BDH2: variants seen among roughly 807,000 people sequenced by gnomAD.
The protein encoded by BDH2 is 3-hydroxybutyrate dehydrogenase 2.
In BDH2, 24 loss-of-function variants were observed where a neutral mutation model predicts 33.2. The observed-to-expected ratio is 0.72, with a 90% CI of 0.52 to 1.02. BDH2 has a LOEUF of 1.02. Among genes scored for constraint, BDH2 ranks in the 50% least tolerant of loss-of-function variants. The pLI, the probability that BDH2 is intolerant of heterozygous loss-of-function variation, is 0.00. For missense variants in BDH2, 249 were observed against 301.6 expected (o/e 0.83, Z 1.29); for synonymous variants, 81 against 101.6 (o/e 0.80, Z 1.22).
intron 7 of BDH2, among the ~76,000 whole-genome samples, chr4:103,083,958 C>G (rs965061727): frequency 3.9e-5 from 6 of 152,178 alleles, no homozygotes; most frequent in African/African-American, 1.4e-4. Flanking sequence ...TTTCAAGACT[C>G]TGGGTAGAAA....
rs1187822675 is a variant in BDH2, at chr4:103,096,084, A to C, written c.72+99T>G. 23 of 811,830 alleles carry C rather than the reference A, an allele frequency of 2.8e-5. No individual in the cohort carries two copies. In the Admixed American group the frequency reaches 6.5e-4, roughly 23 times the overall value. The allele number at this position is 811,830 out of a possible 1,614,324, so 50.3% of individuals were successfully genotyped here. ...CAGAAGCACAAAAGTAAAAAAATAA[A>C]AAAGCAGAGCAGAAGTAAACAACCA... On this transcript the variant is annotated intron_variant, in intron 2 of 9. Transcript: ENST00000296424.
chr4:103,077,764 T>G lies in BDH2; in HGVS notation c.*1938A>C, dbSNP rs941242906. ...ACTAGAGAAGTTACAGCATTTTGAT[T>G]ATGATACACGAAAAGAAACCCAAGT... is the stretch of plus-strand genomic sequence containing the variant. On this transcript the variant is annotated 3_prime_UTR_variant, in exon 10 of 10. Transcript: ENST00000296424. Among the ~76,000 whole-genome samples, 1 of 152,230 alleles carries G rather than the reference T, an allele frequency of 6.6e-6. No individual in the cohort carries two copies. Among genetic ancestry groups the G allele is most frequent in the Admixed American group, 6.5e-5 (1 of 15,276 alleles).
At chr4:103,084,890 T>A (rs111635099) in intron 7 of BDH2, among the ~76,000 whole-genome samples, 1 of 150,240 alleles carries the variant, frequency 6.7e-6, no homozygotes, top group Non-Finnish European at 1.5e-5. Context: ...CCAGGTCATA[T>A]TGAAATGTTT....
chr4:103,091,118 G>T, intron 5 of BDH2, 59 bp downstream of exon 5: 1 of 1,033,538 alleles, frequency 9.7e-7, no homozygotes, highest in South Asian at 1.3e-5. Flanking sequence ...TCCCTTCTGT[G>T]TGCCCAGTAC....
chr4:103,086,322 T>C (rs996881927), intron 6 of BDH2, 158 bp downstream of exon 6: 4 of 1,336,780 alleles, frequency 3.0e-6, no homozygotes, highest in Non-Finnish European at 3.8e-6. Context: ...GAGCAAAAGA[T>C]CTGTGGTTAA....
chr4:103,080,577 A>C (rs916743240), intron 9 of BDH2, among the ~76,000 whole-genome samples: 17 of 152,230 alleles, frequency 1.1e-4, no homozygotes, highest in African/African-American at 4.1e-4. Context: ...AAAGCTGATA[A>C]TATACAGTAG....
chr4:103,086,044 T>C, intron 6 of BDH2: 1 of 1,149,966 alleles, frequency 8.7e-7, no homozygotes, highest in Middle Eastern at 4.0e-4. Flanking sequence ...GTTATTTCCC[T>C]GTATTTTGAC....
intron 1 of BDH2, among the ~76,000 whole-genome samples, chr4:103,098,143 T>C (rs964715823): frequency 2.0e-5 from 3 of 152,056 alleles, no homozygotes; most frequent in Non-Finnish European, 2.9e-5. Flanking sequence ...GAGCATGGGG[T>C]GCCATTAGGA....
intron 5 of BDH2, among the ~76,000 whole-genome samples, chr4:103,090,794 C>A (rs1389192381): frequency 6.6e-6 from 1 of 152,142 alleles, no homozygotes; most frequent in Admixed American, 6.5e-5. Context: ...AGAGGGGCCG[C>A]ATTGATATCC....
In BDH2 at chr4:103,078,285, G is replaced by C. The variant is rs903531140; in HGVS notation, c.*1417C>G. On this transcript the variant is annotated 3_prime_UTR_variant, in exon 10 of 10. Coordinates refer to ENST00000296424, the MANE Select transcript of BDH2 (RefSeq NM_020139.4). ...TGAAAAATTTATTTTCTTTAATTTCGTTTGTTTCCTGTTACATAATTTATA... is the reference window on the plus strand; with the variant it reads ...TGAAAAATTTATTTTCTTTAATTTCCTTTGTTTCCTGTTACATAATTTATA... Among the ~76,000 whole-genome samples, 3 of 151,752 alleles carry C rather than the reference G, an allele frequency of 2.0e-5. No homozygotes were observed. Among genetic ancestry groups the C allele is most frequent in the East Asian group, 3.8e-4 (2 of 5,198 alleles).
At chr4:103,083,102 A>G (rs540986361) in intron 7 of BDH2, among the ~76,000 whole-genome samples, 173 bp from the exon 8 acceptor site, 3 of 152,338 alleles carry the variant, frequency 2.0e-5, no homozygotes, top group Non-Finnish European at 2.9e-5. Flanking sequence ...AATTTCTTCA[A>G]TAACATTTCT....
In BDH2 at chr4:103,098,868, A is replaced by G. The variant is rs530563979; in HGVS notation, c.-21+915T>C. 3.3e-5 allele frequency: 5 copies of G among 152,258 alleles called. No homozygotes were observed. In the South Asian group the frequency reaches 1.0e-3, roughly 32 times the overall value. 9.4% of individuals were successfully genotyped at this position (152,258 alleles called of 1,614,324 possible). ...GCTTCTTGGAGGAGCAGACTAACAC[A>G]ATTATGTAAGAACTGGCTCCAGGGA... On this transcript the variant is annotated intron_variant, in intron 1 of 9. Transcript: ENST00000296424.
chr4:103,083,242 AC>A (rs1747609863), intron 7 of BDH2, among the ~76,000 whole-genome samples: 1 of 152,256 alleles, frequency 6.6e-6, no homozygotes, highest in African/African-American at 2.4e-5. Flanking sequence ...GATTTTAAAT[AC>A]ATTTATGCAT....
chr4:103,095,142 G>A lies in BDH2; in HGVS notation c.151+61C>T, dbSNP rs184229868. On this transcript the variant is annotated intron_variant, in intron 3 of 9. Coordinates refer to ENST00000296424, the MANE Select transcript of BDH2 (RefSeq NM_020139.4). ...GGGAATTTTCTTTCAACATGTGAGC[G>A]CCATGCTTTATAATACCTTGCAGAC... 148 of 1,342,640 alleles carry A rather than the reference G, an allele frequency of 1.1e-4. 1 individual carries two copies. The South Asian group carries it at 1.4e-3, about 13-fold the overall frequency. 83.2% of individuals were successfully genotyped at this position (1,342,640 alleles called of 1,614,324 possible).
At chr4:103,091,510 G>A (rs1038855004) in intron 4 of BDH2, 45 of 443,402 alleles carry the variant, frequency 1.0e-4, no homozygotes, top group South Asian at 1.8e-4. Flanking sequence ...CCAAACAAAA[G>A]TATGGTCACC....
At chr4:103,095,605 A>G (rs558368867) in intron 2 of BDH2, among the ~76,000 whole-genome samples, 22 of 152,156 alleles carry the variant, frequency 1.4e-4, no homozygotes, top group Non-Finnish European at 2.6e-4. Context: ...ACTATATATC[A>G]TTTCTGAGTT....
intron 5 of BDH2, among the ~76,000 whole-genome samples, chr4:103,088,585 G>A (rs566599701): frequency 6.6e-6 from 1 of 152,282 alleles, no homozygotes; most frequent in African/African-American, 2.4e-5. Flanking sequence ...CCATGCAATA[G>A]CCTTCTCTGG....
chr4:103,086,650 C>T, intron 5 of BDH2, 110 bp from the exon 6 acceptor site: 1 of 1,333,550 alleles, frequency 7.5e-7, no homozygotes, highest in Non-Finnish European at 1.0e-6. Flanking sequence ...AATTTAATTA[C>T]TGTATTAGCT....
intron 1 of BDH2, among the ~76,000 whole-genome samples, chr4:103,096,842 A>C (rs1259040748): frequency 6.6e-6 from 1 of 152,108 alleles, no homozygotes; most frequent in African/African-American, 2.4e-5. Context: ...TGCCCAGCCC[A>C]GATATTGCAC....
Sources: gnomAD v4.1 joint callset for allele counts (sites outside exome capture counted in the v4.1 genomes callset) on GRCh38, gnomAD v4.1.1 for gene constraint, MANE v1.5 for transcripts, NCBI Gene and HGNC (gene_info 2026-07-23, HGNC 2026-07-21) for gene names.